MAST4: variants seen among roughly 807,000 people sequenced by gnomAD.
The protein encoded by MAST4 is microtubule associated serine/threonine kinase family member 4, also known as microtubule-associated serine/threonine-protein kinase 4.
A neutral mutation model predicts 162.7 loss-of-function variants in MAST4; 89 were observed. That is an observed-to-expected ratio of 0.55 (90% CI 0.46 to 0.65). The LOEUF is 0.65. Among genes scored for constraint, MAST4 ranks in the 30% least tolerant of loss-of-function variants. The pLI, the probability that MAST4 is intolerant of heterozygous loss-of-function variation, is 0.00. For missense variants in MAST4, 3,153 were observed against 3,374.0 expected (o/e 0.93, Z 1.62); for synonymous variants, 1,479 against 1,361.1 (o/e 1.09, Z -1.91).
At chr5:67,012,131 C>A (rs1335109128) in intron 4 of MAST4, among the ~76,000 whole-genome samples, 1 of 152,156 alleles carries the variant, frequency 6.6e-6, no homozygotes, top group East Asian at 1.9e-4. Context: ...CTTCTCTTTA[C>A]ACATCTATCC....
chr5:67,075,798 A>G (rs1761573599), intron 5 of MAST4, among the ~76,000 whole-genome samples: 1 of 152,192 alleles, frequency 6.6e-6, no homozygotes, highest in African/African-American at 2.4e-5. Flanking sequence ...AGTTTTTAAA[A>G]TCATACTATG....
intron 3 of MAST4, among the ~76,000 whole-genome samples, chr5:66,891,584 C>T (rs1042240020): frequency 1.3e-5 from 2 of 152,188 alleles, no homozygotes; most frequent in African/African-American, 4.8e-5. Context: ...GTGGCCCTGT[C>T]CCTGCCTCCA....
intron 3 of MAST4, among the ~76,000 whole-genome samples, chr5:66,843,286 A>G (rs1024566694): frequency 6.6e-6 from 1 of 152,156 alleles, no homozygotes; most frequent in African/African-American, 2.4e-5. Flanking sequence ...CGTGCTGTCC[A>G]TTCATTTGTA....
At chr5:66,788,470 C>G (rs1052435635) in intron 2 of MAST4, among the ~76,000 whole-genome samples, 200 bp from the exon 3 acceptor site, 12 of 152,134 alleles carry the variant, frequency 7.9e-5, no homozygotes, top group African/African-American at 2.4e-5. Context: ...TGTTGGAGGT[C>G]AGGGCCAGAC....
chr5:66,823,188 C>A (rs1237683596), intron 3 of MAST4, among the ~76,000 whole-genome samples: 1 of 152,112 alleles, frequency 6.6e-6, no homozygotes, highest in Non-Finnish European at 1.5e-5. Context: ...TGTAAGTTTC[C>A]TGAGGCCTCC....
chr5:67,066,318 T>C (rs188753991), intron 5 of MAST4, among the ~76,000 whole-genome samples: 11 of 151,710 alleles, frequency 7.3e-5, no homozygotes, highest in African/African-American at 2.7e-4. Context: ...TCATCTATAT[T>C]CTTATCCATT....
At chr5:66,734,874 C>A (rs1302333707) in intron 1 of MAST4, among the ~76,000 whole-genome samples, 1 of 152,206 alleles carries the variant, frequency 6.6e-6, no homozygotes, top group Non-Finnish European at 1.5e-5. Context: ...CCACCCCTTG[C>A]AGTGTTGTTC....
rs201672100 is a variant in MAST4, at chr5:67,102,624, A to C, written c.1146+13A>C. 1.2e-6 allele frequency: 2 copies of C among 1,600,306 alleles called. No homozygotes were observed. The highest frequency in any genetic ancestry group is 2.7e-5 in the African/African-American group (2 of 74,650). On this transcript the variant is annotated intron_variant, in intron 9 of 28. Coordinates refer to ENST00000403625, the MANE Select transcript of MAST4 (RefSeq NM_001164664.2). ...AAGGTTCCCAAAGGTAATGAATTGA[A>C]TTGAAGATGCCTAGCATCTAAACGA... is the stretch of plus-strand genomic sequence containing the variant.
chr5:67,019,759 T>C (rs533306847), intron 4 of MAST4, among the ~76,000 whole-genome samples: 1 of 152,364 alleles, frequency 6.6e-6, no homozygotes, highest in Admixed American at 6.5e-5. Context: ...CTAAAATATA[T>C]GGACATCTAA....
chr5:66,599,742 G>A (rs1742432114), intron 1 of MAST4, among the ~76,000 whole-genome samples: 1 of 152,114 alleles, frequency 6.6e-6, no homozygotes, highest in Non-Finnish European at 1.5e-5. Context: ...AATAAACTGG[G>A]AAACAGTTTT....
intron 4 of MAST4, among the ~76,000 whole-genome samples, chr5:67,029,536 A>G (rs575104373): frequency 1.3e-5 from 2 of 152,276 alleles, no homozygotes; most frequent in South Asian, 4.1e-4. Flanking sequence ...TGTGTATTTC[A>G]TCTCTAAGAA....
chr5:66,663,127 C>T (rs1466222578), intron 1 of MAST4: 1 of 152,358 alleles, frequency 6.6e-6, no homozygotes, highest in East Asian at 1.9e-4. Flanking sequence ...TCACACCTGA[C>T]CTCTTTGGTA....
chr5:66,743,335 C>T (rs780627478), intron 1 of MAST4, among the ~76,000 whole-genome samples: 4 of 152,172 alleles, frequency 2.6e-5, no homozygotes, highest in Non-Finnish European at 5.9e-5. Flanking sequence ...AGACCTGGCT[C>T]GTCTCTTGGG....
intron 3 of MAST4, among the ~76,000 whole-genome samples, chr5:66,837,892 AT>A (rs1758122786): frequency 2.9e-5 from 1 of 35,028 alleles, no homozygotes; most frequent in Non-Finnish European, 4.7e-5. Context: ...ATATATATAT[AT>A]ATTTTTTTTT....
chr5:67,137,332 G>T (rs1005968562), intron 19 of MAST4, among the ~76,000 whole-genome samples: 5 of 152,200 alleles, frequency 3.3e-5, no homozygotes, highest in Non-Finnish European at 5.9e-5. Flanking sequence ...TGAATAGACA[G>T]ACTTAGCAAT....
chr5:66,876,912 C>T lies in MAST4; in HGVS notation c.643-23039C>T, dbSNP rs190032226. On this transcript the variant is annotated intron_variant, in intron 3 of 28. Transcript: ENST00000403625. ...ACAGCAATGTGGATAGAGCTTAAAA[C>T]ATATCACTGTGTGGAACCAAGCTTA... 1.2e-3 allele frequency among the ~76,000 whole-genome samples: 179 copies of T among 152,320 alleles called. 1 individual carries two copies. Among genetic ancestry groups the T allele is most frequent in the African/African-American group, 4.2e-3 (174 of 41,580 alleles).
intron 4 of MAST4, among the ~76,000 whole-genome samples, chr5:67,010,431 G>T (rs1752532267): frequency 6.6e-6 from 1 of 152,138 alleles, no homozygotes; most frequent in East Asian, 1.9e-4. Context: ...ATCATGGGAG[G>T]AGTTTGGGGA....
chr5:66,828,741 G>T (rs1455493344), intron 3 of MAST4: 71 of 1,528,830 alleles, frequency 4.6e-5, no homozygotes, highest in Non-Finnish European at 4.0e-5. Flanking sequence ...AGAGCGTGAT[G>T]TAAGTGTTTA....
chr5:66,960,865 G>A (rs375747710), intron 4 of MAST4, among the ~76,000 whole-genome samples: 2 of 152,128 alleles, frequency 1.3e-5, no homozygotes, highest in Admixed American at 1.3e-4. Context: ...ATTATGCCAC[G>A]AGTTTTATGA....
Sources: allele counts gnomAD v4.1 joint callset (sites outside exome capture counted in the v4.1 genomes callset), GRCh38; gene constraint gnomAD v4.1.1; transcripts MANE v1.5; gene names NCBI Gene and HGNC (gene_info 2026-07-23, HGNC 2026-07-21).